The following GON4L variants were observed in gnomAD, a reference collection of about 807,000 sequenced individuals.
GON4L encodes gon-4 like.
Under a neutral mutation model 211.8 loss-of-function variants are expected in GON4L, and 87 were observed. The ratio of observed to expected loss-of-function variants is 0.41; its 90% CI spans 0.35 to 0.49. The LOEUF (loss-of-function observed/expected upper bound fraction) is 0.49, where lower values mean the gene tolerates loss of function less well. Among genes scored for constraint, GON4L ranks in the 20% least tolerant of loss-of-function variants. The probability of loss-of-function intolerance (pLI) is 0.15; values close to 1 mark genes in which losing one functional copy is unlikely to be tolerated. For missense variants in GON4L, 2,155 were observed against 2,659.5 expected (o/e 0.81, Z 4.17); for synonymous variants, 875 against 962.6 (o/e 0.91, Z 1.68).
Position 155,765,674 on chromosome 1 carries a change from G to A in GON4L, c.3799C>T (p.His1267Tyr), listed in dbSNP as rs1662380249. 1 of 1,614,178 alleles carries A rather than the reference G, an allele frequency of 6.2e-7. No individual in the cohort carries two copies. The highest frequency in any genetic ancestry group is 8.5e-7 in the Non-Finnish European group (1 of 1,180,030). The stretch of plus-strand genomic sequence containing the variant: ...TCTGCTAGTGGAGGCCCTGGGCTAT[G>A]TTCCACTTTCGGGAAAACAGTAGCA... ...LSATVFPKVE[H>Y]SPGPPLADAE... The change falls in exon 21 of 32, where the codon CAT becomes TAT. Residue 1267 changes from histidine (H) to tyrosine (Y), a missense_variant. Coordinates refer to ENST00000368331, the MANE Select transcript of GON4L (RefSeq NM_001282860.2).
In GON4L at chr1:155,765,508, T is replaced by A; in HGVS notation, c.3965A>T (p.Glu1322Val). The change falls in exon 21 of 32, where the codon GAG becomes GTG. Residue 1322 changes from glutamate to valine, a missense_variant. This residue lies in a region of GON4L where 615 missense variants were observed against 625.7 expected (regional missense o/e 0.98). Transcript: ENST00000368331. ...TTCAGGTTCCATCTTGACAATTTCC[T>A]CTAAATCCCCAGGGGTAGGGTTGTT... ...SLNNPTPGDL[E>V]EIVKMEPEEA... The A allele has an allele frequency of 6.2e-7, 1 of 1,614,184 alleles. No homozygotes were observed. The highest frequency in any genetic ancestry group is 1.1e-5 in the South Asian group (1 of 91,080).
intron 6 of GON4L, among the ~76,000 whole-genome samples, chr1:155,816,552 G>A (rs777607757): frequency 6.6e-6 from 1 of 151,918 alleles, no homozygotes; most frequent in Non-Finnish European, 1.5e-5. Context: ...TCACAGCTGC[G>A]GTTTACATGG....
intron 27 of GON4L, among the ~76,000 whole-genome samples, chr1:155,755,174 G>C (rs1661047992): frequency 6.6e-6 from 1 of 150,912 alleles, no homozygotes; most frequent in Non-Finnish European, 1.5e-5. Flanking sequence ...GGGATCAAGC[G>C]ATTCCCATGT....
chr1:155,781,110 C>T (rs1217763377), intron 14 of GON4L, among the ~76,000 whole-genome samples: 2 of 151,692 alleles, frequency 1.3e-5, no homozygotes, highest in Non-Finnish European at 2.9e-5. Flanking sequence ...ATAGCCTGCA[C>T]GTAGTTGTAT....
At chr1:155,849,427 C>A (rs1324935271) in intron 2 of GON4L, among the ~76,000 whole-genome samples, 1 of 151,630 alleles carries the variant, frequency 6.6e-6, no homozygotes, top group Non-Finnish European at 1.5e-5. Flanking sequence ...GCCTGTAGTC[C>A]CAGCTACTCG....
At chr1:155,804,107 G>A (rs1666928146) in intron 11 of GON4L, among the ~76,000 whole-genome samples, 1 of 152,152 alleles carries the variant, frequency 6.6e-6, no homozygotes, top group Admixed American at 6.6e-5. Flanking sequence ...AGTGGGCCAG[G>A]CACAGTGGCT....
chr1:155,771,007 GA>G, intron 19 of GON4L, 59 bp downstream of exon 19: 3 of 1,606,204 alleles, frequency 1.9e-6, no homozygotes, highest in Non-Finnish European at 2.6e-6. Context: ...AGAATAACAA[GA>G]TAAAAGAATG....
Position 155,760,552 on chromosome 1 carries a change from C to T in GON4L, c.5001G>A (p.Thr1667=), listed in dbSNP as rs370575953. 16 of 1,611,752 alleles carry T rather than the reference C, an allele frequency of 9.9e-6. No individual in the cohort carries two copies. The African/African-American group carries it at 1.2e-4, about 12-fold the overall frequency. The change falls in exon 24 of 32, where the codon ACG becomes ACA. Residue 1667 remains threonine (T), a synonymous_variant. Transcript: ENST00000368331. ...GCAGGCTTTTGTAGAGATCTACAGC[C>T]GTCCGTCTCTGGGTACTTGACTCAA... ...YEFESSTQRR[T]AVDLYKSLQI...
At chr1:155,848,612 C>T (rs1024890820) in intron 2 of GON4L, among the ~76,000 whole-genome samples, 6 of 152,160 alleles carry the variant, frequency 3.9e-5, no homozygotes, top group African/African-American at 1.4e-4. Context: ...CCTGTGAATC[C>T]TTCAAGCTCC....
chr1:155,754,127 A>T, intron 28 of GON4L: 1 of 537,778 alleles, frequency 1.9e-6, no homozygotes, highest in South Asian at 2.0e-5. Context: ...CTAATATCTG[A>T]GGGAAATATT....
intron 12 of GON4L, among the ~76,000 whole-genome samples, chr1:155,790,579 A>G (rs189044410): frequency 9.1e-4 from 138 of 152,136 alleles, no homozygotes; most frequent in African/African-American, 3.3e-3. Context: ...TTTTCTCAGA[A>G]TATTTTCAAG....
chr1:155,760,288 C>T (rs1336728510), intron 24 of GON4L, among the ~76,000 whole-genome samples, 156 bp downstream of exon 24: 2 of 152,014 alleles, frequency 1.3e-5, no homozygotes, highest in Non-Finnish European at 2.9e-5. Flanking sequence ...AAAGATAATA[C>T]CCTGAAAAGA....
chr1:155,805,048 G>A lies in GON4L; in HGVS notation c.1546C>T (p.Pro516Ser). 6.2e-7 allele frequency: 1 copy of A among 1,613,300 alleles called. No homozygotes were observed. The highest frequency in any genetic ancestry group is 8.5e-7 in the Non-Finnish European group (1 of 1,179,346). ...LGQLEAELQA[P>S]DITPDMYDPN... ...TCATACATATCTGGAGTGATGTCTG[G>A]AGCTTGGAGCTCTGCCTCTAATTGG... The change falls in exon 11 of 32, where the codon CCA (proline) becomes TCA (serine). Residue 516 changes from proline to serine, a missense_variant. Physicochemically the swap from Pro to Ser is moderately conservative, Grantham distance 74 (BLOSUM62 -1). Around this residue, in one of 6 missense-constraint regions of GON4L, gnomAD observed 551 missense variants for 854.0 expected, o/e 0.65. Transcript: ENST00000368331.
At chr1:155,839,621 A>C (rs1670603689) in intron 2 of GON4L, among the ~76,000 whole-genome samples, 1 of 151,434 alleles carries the variant, frequency 6.6e-6, no homozygotes, top group Non-Finnish European at 1.5e-5. Flanking sequence ...ACTGCACACC[A>C]GTCTGGGCAA....
At chr1:155,826,023 GCAA>G (rs1274344495) in intron 3 of GON4L, among the ~76,000 whole-genome samples, 2 of 151,958 alleles carry the variant, frequency 1.3e-5, no homozygotes, top group African/African-American at 4.8e-5. Context: ...AGCAGCCTGG[GCAA>G]CAAAGCAAGA....
At chr1:155,843,903 G>A (rs1173131088) in intron 2 of GON4L, among the ~76,000 whole-genome samples, 1 of 152,158 alleles carries the variant, frequency 6.6e-6, no homozygotes, top group African/African-American at 2.4e-5. Context: ...TTTAGGGGAA[G>A]AAATCCTACC....
At position 155,777,532 on chromosome 1, in the gene GON4L, T is replaced by A; in HGVS notation, c.2091+90A>T. 3 of 948,694 alleles carry A rather than the reference T, an allele frequency of 3.2e-6. No individual in the cohort carries two copies. The South Asian group carries it at 3.9e-5, about 12-fold the overall frequency. 58.8% of individuals were successfully genotyped at this position (948,694 alleles called of 1,614,324 possible). On this transcript the variant is annotated intron_variant, in intron 15 of 31. Transcript: ENST00000368331. Reference sequence around the variant, plus strand: ...AAGCAGAGGTTGAAGTGAGCCGATATCGGGCCACTGCACTCCAGGCTGGGA... The same window carrying A: ...AAGCAGAGGTTGAAGTGAGCCGATAACGGGCCACTGCACTCCAGGCTGGGA...
rs1267203419 is a variant in GON4L at position 155,754,501 on chromosome 1, T to A, written c.5518-13A>T. ...GCCATTCAGTCTCCTAGGAGATACT[T>A]GGGCTTGATTAGCTGCCAAGTTGTT... On this transcript the variant is annotated splice_polypyrimidine_tract_variant and intron_variant, in intron 27 of 31. Coordinates refer to ENST00000368331, the MANE Select transcript of GON4L (RefSeq NM_001282860.2). The A allele has an allele frequency of 8.0e-7, 1 of 1,256,070 alleles. No homozygotes were observed. The highest frequency in any genetic ancestry group is 2.3e-5 in the East Asian group (1 of 42,576). 77.8% of individuals were successfully genotyped at this position (1,256,070 alleles called of 1,614,324 possible).
rs903050139 is a variant in GON4L, at chr1:155,763,174, G to A, written c.4726+138C>T. 9.2e-6 allele frequency: 6 copies of A among 651,996 alleles called. No homozygotes were observed. In the Admixed American group the frequency reaches 1.2e-4, roughly 13 times the overall value. The allele number at this position is 651,996 out of a possible 1,614,324, so 40.4% of individuals were successfully genotyped here. On this transcript the variant is annotated intron_variant, in intron 22 of 31. Transcript: ENST00000368331. The stretch of plus-strand genomic sequence containing the variant: ...ACCACATTAAACATGTTTTGGGGGA[G>A]GGGTGTTGCAGAAGAGATCCAGAGG...
Sources: gnomAD v4.1 joint callset for allele counts (sites outside exome capture counted in the v4.1 genomes callset) on GRCh38, gnomAD v4.1.1 for gene constraint, gnomAD v4.1.1 regional missense constraint, MANE v1.5 for transcripts, NCBI Gene and HGNC (gene_info 2026-07-23, HGNC 2026-07-21) for gene names.